The following COL23A1 variants were observed in gnomAD, a reference collection of about 807,000 sequenced individuals.
The protein encoded by COL23A1 is collagen type XXIII alpha 1 chain.
COL23A1 carries 97 observed loss-of-function variants against 99.3 expected under a neutral mutation model. The ratio of observed to expected loss-of-function variants is 0.98; its 90% confidence interval spans 0.83 to 1.16. COL23A1 has a LOEUF of 1.16. COL23A1 is among the 50% of genes most tolerant of loss of function. The probability of loss-of-function intolerance (pLI) is 0.00; values close to 1 mark genes in which losing one functional copy is unlikely to be tolerated. For synonymous variants in COL23A1, 320 were observed against 308.2 expected (o/e 1.04, Z -0.40); for missense variants, 762 against 757.4 (o/e 1.01, Z -0.07).
At chr5:178,299,234 C>A (rs759690362) in intron 3 of COL23A1, among the ~76,000 whole-genome samples, 5 of 152,110 alleles carry the variant, frequency 3.3e-5, no homozygotes, top group African/African-American at 9.7e-5. Context: ...GTTATTAATT[C>A]TTCTTTAAGT....
chr5:178,289,459 A>C (rs562183615), intron 4 of COL23A1, among the ~76,000 whole-genome samples: 1 of 152,162 alleles, frequency 6.6e-6, no homozygotes, highest in African/African-American at 2.4e-5. Context: ...TGCTTCCCTC[A>C]TACCCTTCAC....
chr5:178,551,403 A>G (rs1317315349), intron 2 of COL23A1, among the ~76,000 whole-genome samples: 1 of 151,966 alleles, frequency 6.6e-6, no homozygotes, highest in East Asian at 1.9e-4. Context: ...ACTTCTAATT[A>G]TTTTTTTCCT....
intron 1 of COL23A1, among the ~76,000 whole-genome samples, chr5:178,575,067 T>G (rs1763280862): frequency 6.6e-6 from 1 of 152,226 alleles, no homozygotes. Context: ...GCTCCCCACC[T>G]GTACTCTTAG....
At chr5:178,528,795 A>C (rs1760474402) in intron 2 of COL23A1, among the ~76,000 whole-genome samples, 1 of 152,216 alleles carries the variant, frequency 6.6e-6, no homozygotes, top group African/African-American at 2.4e-5. Flanking sequence ...GGGCAACAAG[A>C]GTGAAACTCC....
Position 178,440,271 on chromosome 5 carries a change from CG to C in COL23A1, c.361+120410del, listed in dbSNP as rs1192789926. On this transcript the variant is annotated intron_variant, in intron 2 of 28. Transcript: ENST00000390654. Reference sequence around the variant, plus strand: ...TCCACCATCTGCAGATTTGCCTTTCCGGGACCAACTCCCCAGGACCCAAGCC... The same window carrying C: ...TCCACCATCTGCAGATTTGCCTTTCCGGACCAACTCCCCAGGACCCAAGCC... Among the ~76,000 whole-genome samples, 8 of 152,276 alleles carry C rather than the reference CG, an allele frequency of 5.3e-5. No individual in the cohort carries two copies. In the East Asian group the frequency reaches 7.7e-4, roughly 15 times the overall value.
chr5:178,320,286 G>A (rs952862608), intron 2 of COL23A1, among the ~76,000 whole-genome samples: 6 of 152,208 alleles, frequency 3.9e-5, no homozygotes, highest in Admixed American at 1.3e-4. Flanking sequence ...CCATTAGTGG[G>A]GACCCCAAGG....
At chr5:178,444,655 G>A (rs573153792) in intron 2 of COL23A1, among the ~76,000 whole-genome samples, 101 of 152,272 alleles carry the variant, frequency 6.6e-4, no homozygotes, top group Non-Finnish European at 8.1e-4. Context: ...AATTAGCCAG[G>A]TGTGGTGGTG....
At chr5:178,529,328 CAG>C (rs1257374936) in intron 2 of COL23A1, among the ~76,000 whole-genome samples, 4 of 152,056 alleles carry the variant, frequency 2.6e-5, no homozygotes, top group Non-Finnish European at 4.4e-5. Flanking sequence ...CAGTGAAGCC[CAG>C]AGTCAGTGTG....
intron 3 of COL23A1, among the ~76,000 whole-genome samples, chr5:178,305,598 T>C (rs1264181483): frequency 1.3e-5 from 2 of 152,178 alleles, no homozygotes; most frequent in East Asian, 3.9e-4. Context: ...TTGGAGGAGA[T>C]GCTTGAGCTA....
At chr5:178,498,233 T>TAA (rs1382165480) in intron 2 of COL23A1, among the ~76,000 whole-genome samples, 1 of 54,462 alleles carries the variant, frequency 1.8e-5, no homozygotes, top group Non-Finnish European at 3.0e-5. Flanking sequence ...TATATATATA[T>TAA]ATATATATAT....
chr5:178,404,397 G>A (rs1764638986), intron 2 of COL23A1, among the ~76,000 whole-genome samples: 1 of 152,194 alleles, frequency 6.6e-6, no homozygotes, highest in Non-Finnish European at 1.5e-5. Flanking sequence ...CAGTGCTGCT[G>A]GGCAGGGCAC....
At position 178,307,928 on chromosome 5, in the gene COL23A1, T is replaced by C. The variant is rs1165149194; in HGVS notation, c.362-1009A>G. Among the ~76,000 whole-genome samples, 1 of 152,166 alleles carries C rather than the reference T, an allele frequency of 6.6e-6. No homozygotes were observed. The highest frequency in any genetic ancestry group is 1.5e-5 in the Non-Finnish European group (1 of 68,030). On this transcript the variant is annotated intron_variant, in intron 2 of 28. Transcript: ENST00000390654. The surrounding 1 kb of genome is among the most constrained non-coding windows in gnomAD (Gnocchi z 4.2). ...AGCCAACCTCAAACCCCGTCAAGAA[T>C]TTCCAGAACAACCACGAAGGAGATG...
intron 2 of COL23A1, among the ~76,000 whole-genome samples, chr5:178,327,704 C>T (rs1191014624): frequency 2.0e-5 from 3 of 152,072 alleles, no homozygotes; most frequent in Non-Finnish European, 2.9e-5. Flanking sequence ...CCTCTGCACC[C>T]TCTGTCCAGG....
intron 2 of COL23A1, among the ~76,000 whole-genome samples, chr5:178,549,154 C>T (rs1203505823): frequency 3.3e-5 from 5 of 152,036 alleles, no homozygotes; most frequent in South Asian, 2.1e-4. Flanking sequence ...CCACCACACC[C>T]GGCTAATTTT....
At chr5:178,320,584 A>T (rs1759240348) in intron 2 of COL23A1, among the ~76,000 whole-genome samples, 1 of 152,176 alleles carries the variant, frequency 6.6e-6, no homozygotes, top group East Asian at 1.9e-4. Flanking sequence ...CGAGGGTGAA[A>T]GATTGGGGGG....
intron 3 of COL23A1, among the ~76,000 whole-genome samples, chr5:178,303,872 A>G (rs1389458635): frequency 1.3e-5 from 2 of 152,178 alleles, no homozygotes; most frequent in Non-Finnish European, 2.9e-5. Flanking sequence ...GGAAGCGCTG[A>G]GATGGAGGGA....
At chr5:178,571,160 G>A (rs551644308) in intron 1 of COL23A1, among the ~76,000 whole-genome samples, 16 of 152,090 alleles carry the variant, frequency 1.1e-4, no homozygotes, top group East Asian at 3.9e-4. Context: ...TCAGGAGTTC[G>A]AGACCAGCCT....
intron 2 of COL23A1, among the ~76,000 whole-genome samples, chr5:178,318,397 G>A (rs950745898): frequency 2.0e-5 from 3 of 152,218 alleles, no homozygotes; most frequent in Non-Finnish European, 4.4e-5. Context: ...CTCAGGCCTG[G>A]CAGAGCCCCT....
At position 178,290,367 on chromosome 5, in the gene COL23A1, G is replaced by T. The variant is rs144760289; in HGVS notation, c.409C>A (p.Pro137Thr). The stretch of plus-strand genomic sequence containing the variant: ...GCACAGTCCAGGACACTTACTGGAG[G>T]ACCTGCAAAACACAAGCAGAGAAGC... Reference protein sequence around the residue: ...GKPGRRGDPGPPGQSGRDGYP... With the variant: ...GKPGRRGDPGTPGQSGRDGYP... Residue 137 changes from proline to threonine, a missense_variant and splice_region_variant, in exon 4 of 29, where the codon CCT becomes ACT. Physicochemically the swap from Pro to Thr is conservative, Grantham distance 38 (BLOSUM62 -1). Transcript: ENST00000390654. 5.4e-4 allele frequency: 866 copies of T among 1,614,032 alleles called. 3 individuals are homozygous for T. The African/African-American group carries it at 9.9e-3, about 19-fold the overall frequency.
Sources: allele counts gnomAD v4.1 joint callset (sites outside exome capture counted in the v4.1 genomes callset), GRCh38; gene constraint gnomAD v4.1.1; non-coding constraint Gnocchi (gnomAD v3.1); transcripts MANE v1.5; gene names NCBI Gene and HGNC (gene_info 2026-07-23, HGNC 2026-07-21).